Variants in LRIG2 observed in about 807,000 individuals in gnomAD.
LRIG2 encodes leucine-rich repeats and immunoglobulin-like domains protein 2.
In LRIG2, 93 loss-of-function variants were observed where a neutral mutation model predicts 107.8. That is an observed-to-expected ratio of 0.86 (90% CI 0.73 to 1.03). The LOEUF (loss-of-function observed/expected upper bound fraction) is 1.03. Ranked by LOEUF, LRIG2 falls within the 50% of genes least tolerant of loss-of-function variation. The pLI is 0.00. For synonymous variants in LRIG2, 471 were observed against 470.6 expected, an observed-to-expected ratio of 1.00 and a Z score of -0.01; for missense variants, 1,226 against 1,296.0, an observed-to-expected ratio of 0.95 and a Z score of 0.83.
intron 11 of LRIG2, 40 bp from the exon 12 acceptor site, chr1:113,107,554 A>G (rs749481862): frequency 5.0e-6 from 8 of 1,588,026 alleles, no homozygotes; most frequent in Non-Finnish European, 3.4e-6. Flanking sequence ...TAGAATGAAA[A>G]GTAAAACAAA....
intron 13 of LRIG2, among the ~76,000 whole-genome samples, chr1:113,112,032 A>G (rs1255993027): frequency 6.6e-6 from 1 of 152,174 alleles, no homozygotes; most frequent in Non-Finnish European, 1.5e-5. Flanking sequence ...TGCTTTCCCT[A>G]GTTCCAGCTG....
intron 11 of LRIG2, among the ~76,000 whole-genome samples, chr1:113,100,984 T>G (rs368890662): frequency 6.6e-6 from 1 of 152,222 alleles, no homozygotes; most frequent in Admixed American, 6.5e-5. Flanking sequence ...CCTTTTTCAT[T>G]GATGAGTTTT....
intron 16 of LRIG2, among the ~76,000 whole-genome samples, chr1:113,118,668 GTT>G (rs796930284): frequency 3.5e-5 from 5 of 142,306 alleles, no homozygotes. Flanking sequence ...GTATGACTTT[GTT>G]TTTTTTTTTT....
At position 113,126,199 on chromosome 1, in the gene LRIG2, G is replaced by A. The variant is rs1655479463; in HGVS notation, c.*2098G>A. 1 of 152,148 alleles carries A rather than the reference G, an allele frequency of 6.6e-6. No individual in the cohort carries two copies. Among genetic ancestry groups the A allele is most frequent in the Non-Finnish European group, 1.5e-5 (1 of 68,042 alleles). The allele number at this position is 152,148 out of a possible 1,614,324, so 9.4% of individuals were successfully genotyped here. A position where few individuals can be genotyped will look rare whatever the true frequency, so the allele number is the denominator to read the frequency against. On this transcript the variant is annotated 3_prime_UTR_variant, in exon 18 of 18. Coordinates refer to ENST00000361127, the MANE Select transcript of LRIG2 (RefSeq NM_014813.3). Reference sequence around the variant, plus strand: ...GTTATTTGCTCTCTCAATGTCTCATGTTGCTGAGTTCTAGAAAATCTCTGT... The same window carrying A: ...GTTATTTGCTCTCTCAATGTCTCATATTGCTGAGTTCTAGAAAATCTCTGT...
chr1:113,082,209 G>T (rs938159923), intron 1 of LRIG2, among the ~76,000 whole-genome samples: 2 of 152,220 alleles, frequency 1.3e-5, no homozygotes, highest in African/African-American at 4.8e-5. Context: ...ATCTGGGGAA[G>T]TGGTAAACAG....
At chr1:113,103,428 C>T (rs923825206) in intron 11 of LRIG2, 5 of 152,154 alleles carry the variant, frequency 3.3e-5, no homozygotes, top group African/African-American at 1.2e-4. Flanking sequence ...CCACCTTGCT[C>T]CTTGGCTATA....
At position 113,093,563 on chromosome 1, in the gene LRIG2, C is replaced by G. The variant is rs146190323; in HGVS notation, c.514C>G (p.Leu172Val). ...SSFPRMQLKY[L>V]NLSNNRITTL... ...ATTTCCTCGCATGCAGCTTAAATAC[C>G]TGTAAGTAACACAGATTAAATTAGA... Residue 172 changes from leucine (L) to valine (V), a missense_variant and splice_region_variant, in exon 4 of 18, where the codon CTG becomes GTG. Coordinates refer to ENST00000361127, the MANE Select transcript of LRIG2 (RefSeq NM_014813.3). The G allele has an allele frequency of 4.5e-6, 7 of 1,557,618 alleles. No individual in the cohort carries two copies. The highest frequency in any genetic ancestry group is 4.4e-5 in the African/African-American group (3 of 68,218).
At position 113,091,392 on chromosome 1, in the gene LRIG2, T is replaced by C. The variant is rs758956203; in HGVS notation, c.305+9T>C. 3 of 1,538,330 alleles carry C rather than the reference T, an allele frequency of 2.0e-6. No homozygotes were observed. The highest frequency in any genetic ancestry group is 2.7e-6 in the Non-Finnish European group (3 of 1,124,070). On this transcript the variant is annotated intron_variant, in intron 2 of 17. Coordinates refer to ENST00000361127, the MANE Select transcript of LRIG2 (RefSeq NM_014813.3). ...CAAACATTACAGGAAGTGTAAGTTA[T>C]TTTTATTTATTTAAAGTTATGTTAA...
At position 113,114,875 on chromosome 1, in the gene LRIG2, A is replaced by T. The variant is rs1328279871; in HGVS notation, c.2529A>T (p.Thr843=). 3.1e-6 allele frequency: 5 copies of T among 1,600,574 alleles called. No individual in the cohort carries two copies. Among genetic ancestry groups the T allele is most frequent in the Admixed American group, 1.7e-5 (1 of 59,704 alleles). The part of the protein sequence containing the change: ...RKNEDYSITN[T]EELNLPADIP... ...ATGAAGACTATAGTATCACAAACAC[A>T]GGTAAGTAGTACCCACATGACACCT... The change falls in exon 15 of 18, where the codon ACA becomes ACT. Residue 843 remains threonine (T), a splice_region_variant and synonymous_variant. Coordinates refer to ENST00000361127, the MANE Select transcript of LRIG2 (RefSeq NM_014813.3).
At chr1:113,085,729 G>A (rs541898360) in intron 1 of LRIG2, among the ~76,000 whole-genome samples, 1 of 152,294 alleles carries the variant, frequency 6.6e-6, no homozygotes, top group Admixed American at 6.5e-5. Flanking sequence ...TCTAACAGGA[G>A]GTGGGGTCTC....
chr1:113,119,397 C>T lies in LRIG2; in HGVS notation c.2845C>T (p.His949Tyr), dbSNP rs1468968137. 1.2e-6 allele frequency: 2 copies of T among 1,614,100 alleles called. No homozygotes were observed. The highest frequency in any genetic ancestry group is 1.7e-6 in the Non-Finnish European group (2 of 1,180,034). Residue 949 changes from histidine to tyrosine, a missense_variant, in exon 17 of 18, where the codon CAT (histidine) becomes TAT (tyrosine). Around this residue, in one of 3 missense-constraint regions of LRIG2, gnomAD observed 642 missense variants for 712.2 expected, o/e 0.90. Coordinates refer to ENST00000361127, the MANE Select transcript of LRIG2 (RefSeq NM_014813.3). The part of the protein sequence containing the change: ...VQMPKETYLV[H>Y]PPQDTTALES... ...AATGCCTAAAGAGACATATTTAGTACATCCTCCCCAGGATACTACTGCCCT... is the reference window on the plus strand; with the variant it reads ...AATGCCTAAAGAGACATATTTAGTATATCCTCCCCAGGATACTACTGCCCT...
chr1:113,103,008 C>CTT (rs11403811), intron 11 of LRIG2, among the ~76,000 whole-genome samples: 1,643 of 150,760 alleles, frequency 0.011, 43 homozygotes, highest in African/African-American at 0.036. Context: ...CGCCCCCCTC[C>CTT]TTTTTTTTTG....
intron 1 of LRIG2, among the ~76,000 whole-genome samples, chr1:113,089,676 C>CTTTTTTTTGCTTTTT (rs1653707054): frequency 1.4e-5 from 1 of 71,674 alleles, no homozygotes; most frequent in Admixed American, 2.4e-4. Flanking sequence ...AGGTGGATTG[C>CTTTTTTTTGCTTTTT]TTTTTTTTTT....
chr1:113,087,415 C>T (rs1156707035), intron 1 of LRIG2, among the ~76,000 whole-genome samples: 4 of 152,132 alleles, frequency 2.6e-5, no homozygotes, highest in Non-Finnish European at 5.9e-5. Flanking sequence ...GTGGCACGAT[C>T]GCAGCTCACT....
chr1:113,132,098 T>C lies in LRIG2; in HGVS notation c.*7997T>C, dbSNP rs747389336. 24 of 152,086 alleles carry C rather than the reference T, an allele frequency of 1.6e-4. No homozygotes were observed. The highest frequency in any genetic ancestry group is 2.6e-4 in the Non-Finnish European group (18 of 68,000). The allele number at this position is 152,086 out of a possible 1,614,324, so 9.4% of individuals were successfully genotyped here. The stretch of plus-strand genomic sequence containing the variant: ...TAGTCTGAGCAGCCCTAATACTAGA[T>C]GTACCTAAACAGAGATACAAGCCAA... On this transcript the variant is annotated 3_prime_UTR_variant, in exon 18 of 18. Coordinates refer to ENST00000361127, the MANE Select transcript of LRIG2 (RefSeq NM_014813.3).
chr1:113,116,479 A>G lies in LRIG2; in HGVS notation c.2680+43A>G, dbSNP rs749831174. The G allele has an allele frequency of 4.6e-6, 7 of 1,529,068 alleles. No homozygotes were observed. In the Admixed American group the frequency reaches 5.7e-5, roughly 12 times the overall value. The allele number at this position is 1,529,068 out of a possible 1,614,324, so 94.7% of individuals were successfully genotyped here. On this transcript the variant is annotated intron_variant, in intron 16 of 17. Coordinates refer to ENST00000361127, the MANE Select transcript of LRIG2 (RefSeq NM_014813.3). ...TATGGTTACAATTTCAGCCTATTCTATTGAGTTTACTTTTCAGTGTGTAGT... is the reference window on the plus strand; with the variant it reads ...TATGGTTACAATTTCAGCCTATTCTGTTGAGTTTACTTTTCAGTGTGTAGT...
rs747213052 is a variant in LRIG2, at chr1:113,094,627, CAG to C, written c.677_678del (p.Arg226AsnfsTer2). 5 of 1,611,666 alleles carry C rather than the reference CAG, an allele frequency of 3.1e-6. No individual in the cohort carries two copies. Among genetic ancestry groups the C allele is most frequent in the South Asian group, 1.1e-5 (1 of 90,690 alleles). On this transcript the variant is annotated frameshift_variant, in exon 6 of 18. Coordinates refer to ENST00000361127, the MANE Select transcript of LRIG2 (RefSeq NM_014813.3). LOFTEE classifies it high-confidence loss of function. ...TTTGTTAAAGGGAACTTAAAAGAAA[CAG>C]AATTAAAATTGTGGAAGGTCTTACA... Reference protein sequence around the residue: ...HLQFLELKRNRIKIVEGLTFQ... With the variant: ...HLQFLELKRNXIKIVEGLTFQ...
At chr1:113,093,142 G>T in intron 2 of LRIG2, 64 bp from the exon 3 acceptor site, 1 of 998,858 alleles carries the variant, frequency 1.0e-6, no homozygotes, top group Non-Finnish European at 1.5e-6. Context: ...TTAGCCAGAA[G>T]GTAGAATCCA....
intron 17 of LRIG2, among the ~76,000 whole-genome samples, chr1:113,122,694 GCTT>G (rs1655315924): frequency 6.6e-6 from 1 of 152,134 alleles, no homozygotes; most frequent in African/African-American, 2.4e-5. Context: ...GGGTATCCTA[GCTT>G]CTTCTTACTC....
Sources: gnomAD v4.1 joint callset for allele counts (sites outside exome capture counted in the v4.1 genomes callset) on GRCh38, gnomAD v4.1.1 for gene constraint, gnomAD v4.1.1 regional missense constraint, MANE v1.5 for transcripts, NCBI Gene and HGNC (gene_info 2026-07-23, HGNC 2026-07-21) for gene names.